GMDS: variants seen among roughly 807,000 people sequenced by gnomAD.
The protein encoded by GMDS is GDP-mannose 4,6 dehydratase.
GMDS carries 20 observed loss-of-function variants against 49.9 expected under a neutral mutation model. The observed-to-expected ratio is 0.40, with a 90% confidence interval of 0.28 to 0.58. The LOEUF is 0.58. GMDS is among the 20% of genes least tolerant of loss of function. GMDS has a pLI of 0.42. For missense variants in GMDS, 362 were observed against 481.4 expected (o/e 0.75, Z 2.32); for synonymous variants, 177 against 178.6 (o/e 0.99, Z 0.07).
At chr6:2,094,948 C>G (rs939331283) in intron 4 of GMDS, among the ~76,000 whole-genome samples, 1 of 152,074 alleles carries the variant, frequency 6.6e-6, no homozygotes, top group Non-Finnish European at 1.5e-5. Flanking sequence ...ACAACTATAC[C>G]AACACTGAAA....
At chr6:1,994,663 G>A (rs1279932801) in intron 4 of GMDS, among the ~76,000 whole-genome samples, 1 of 151,888 alleles carries the variant, frequency 6.6e-6, no homozygotes, top group Non-Finnish European at 1.5e-5. Flanking sequence ...GGTACGCAGA[G>A]AAAAAGGACT....
chr6:1,833,008 G>C lies in GMDS; in HGVS notation c.772-90422C>G, dbSNP rs117759468. 6.6e-6 allele frequency among the ~76,000 whole-genome samples: 1 copy of C among 152,180 alleles called. No homozygotes were observed. The highest frequency in any genetic ancestry group is 1.9e-4 in the East Asian group (1 of 5,176). ...GCTACTGAAGATCATTAGTAGCACT[G>C]AGTGCAACCACTGTCAGTTTTGTGG... On this transcript the variant is annotated intron_variant, in intron 7 of 10. Transcript: ENST00000380815. This position sits in a 1 kb window ranked among gnomAD's most constrained non-coding sequence, Gnocchi z 4.4.
At chr6:2,033,662 C>A (rs964021362) in intron 4 of GMDS, among the ~76,000 whole-genome samples, 1 of 152,208 alleles carries the variant, frequency 6.6e-6, no homozygotes, top group African/African-American at 2.4e-5. Flanking sequence ...CAGGTGTTCA[C>A]CGCCATTGCT....
chr6:1,681,514 G>A (rs1764791050), intron 9 of GMDS, among the ~76,000 whole-genome samples: 2 of 152,172 alleles, frequency 1.3e-5, no homozygotes, highest in Non-Finnish European at 2.9e-5. Context: ...TCCAGGTGAG[G>A]AGGACCAGGC....
Position 1,774,012 on chromosome 6 carries a change from GA to G in GMDS, c.772-31427del, listed in dbSNP as rs764467410. 1.7e-4 allele frequency among the ~76,000 whole-genome samples: 26 copies of G among 152,318 alleles called. No individual in the cohort carries two copies. In the East Asian group the frequency reaches 4.0e-3, roughly 24 times the overall value. On this transcript the variant is annotated intron_variant, in intron 7 of 10. Transcript: ENST00000380815. Reference sequence around the variant, plus strand: ...AAAGCACAGAAATGACAAACTATTTGAAGCCAAACATGACGTACAAAAATTA... The same window carrying G: ...AAAGCACAGAAATGACAAACTATTTGAGCCAAACATGACGTACAAAAATTA...
chr6:1,953,450 AT>A (rs1429358139), intron 6 of GMDS, among the ~76,000 whole-genome samples: 2 of 152,194 alleles, frequency 1.3e-5, no homozygotes, highest in African/African-American at 4.8e-5. Context: ...GGTAGAATGT[AT>A]TTTTTGTTCC....
intron 7 of GMDS, among the ~76,000 whole-genome samples, chr6:1,888,564 G>A (rs192901195): frequency 2.9e-4 from 44 of 152,232 alleles, no homozygotes; most frequent in Non-Finnish European, 2.6e-4. Flanking sequence ...ATTTGGGTGG[G>A]AACACAAAGC....
At chr6:1,703,875 C>T (rs1003898335) in intron 9 of GMDS, among the ~76,000 whole-genome samples, 1 of 152,256 alleles carries the variant, frequency 6.6e-6, no homozygotes, top group Non-Finnish European at 1.5e-5. Flanking sequence ...ATGTTTAAGA[C>T]TTAGAGTAAT....
rs541603908 is a variant in GMDS, at chr6:1,879,598, A to T, written c.771+50505T>A. 4.0e-5 allele frequency among the ~76,000 whole-genome samples: 6 copies of T among 149,442 alleles called. No individual in the cohort carries two copies. In the East Asian group the frequency reaches 7.8e-4, roughly 19 times the overall value. On this transcript the variant is annotated intron_variant, in intron 7 of 10. Coordinates refer to ENST00000380815, the MANE Select transcript of GMDS (RefSeq NM_001500.4). ...TGTTACCAAAGGTTTTTTTTTTTTTAAAGAATATTGAGATAGAGAGAAGTG... is the reference window on the plus strand; with the variant it reads ...TGTTACCAAAGGTTTTTTTTTTTTTTAAGAATATTGAGATAGAGAGAAGTG...
At position 2,162,659 on chromosome 6, in the gene GMDS, A is replaced by AACACACAC. The variant is rs67198377; in HGVS notation, c.103-37936_103-37929dup. On this transcript the variant is annotated intron_variant, in intron 1 of 10. Transcript: ENST00000380815. ...AAATATCAGGTTTTCATAACATTCCAACACACACACACACACACACACACA... is the reference window on the plus strand; with the variant it reads ...AAATATCAGGTTTTCATAACATTCCAACACACACACACACACACACACACACACACACA... Among the ~76,000 whole-genome samples, 1,041 of 135,804 alleles carry AACACACAC rather than the reference A, an allele frequency of 7.7e-3. 5 individuals carry two copies. The highest frequency in any genetic ancestry group is 0.012 in the Middle Eastern group (3 of 258). 89.1% of individuals were successfully genotyped at this position (135,804 alleles called of 152,430 possible).
intron 7 of GMDS, among the ~76,000 whole-genome samples, chr6:1,818,274 G>A (rs1299971501): frequency 1.3e-5 from 2 of 151,944 alleles, no homozygotes; most frequent in African/African-American, 2.4e-5. Context: ...ATCAAAACAC[G>A]TTTTTCTAAC....
intron 4 of GMDS, among the ~76,000 whole-genome samples, chr6:1,972,028 A>G (rs1481266617): frequency 6.6e-6 from 1 of 152,192 alleles, no homozygotes; most frequent in Non-Finnish European, 1.5e-5. Context: ...CTTGAGTTTG[A>G]GAATCTTCAT....
At chr6:1,696,047 C>T (rs986433177) in intron 9 of GMDS, among the ~76,000 whole-genome samples, 20 of 151,508 alleles carry the variant, frequency 1.3e-4, no homozygotes, top group Non-Finnish European at 1.5e-5. Context: ...AGTCAACTCA[C>T]ACATAGAGAA....
intron 1 of GMDS, among the ~76,000 whole-genome samples, chr6:2,138,926 G>T (rs946542170): frequency 1.3e-5 from 2 of 152,000 alleles, no homozygotes; most frequent in African/African-American, 4.8e-5. Flanking sequence ...CCACTGCTTT[G>T]ATCATACTAC....
intron 9 of GMDS, among the ~76,000 whole-genome samples, chr6:1,642,648 T>C (rs1763366760): frequency 1.3e-5 from 2 of 152,214 alleles, no homozygotes; most frequent in South Asian, 4.1e-4. Context: ...ATGGTGACCA[T>C]CGTCCTGAGT....
In GMDS at chr6:1,777,876, A is replaced by G. The variant is rs185564691; in HGVS notation, c.772-35290T>C. On this transcript the variant is annotated intron_variant, in intron 7 of 10. Transcript: ENST00000380815. ...TTAAACCTGTTAAAGAAGCAATATT[A>G]AGTTTGGTATAAATATAGCTGAAAT... Among the ~76,000 whole-genome samples, 15 of 152,332 alleles carry G rather than the reference A, an allele frequency of 9.8e-5. No homozygotes were observed. In the East Asian group the frequency reaches 2.7e-3, roughly 27 times the overall value.
intron 6 of GMDS, among the ~76,000 whole-genome samples, chr6:1,943,850 G>C (rs1321555502): frequency 6.6e-6 from 1 of 152,178 alleles, no homozygotes; most frequent in African/African-American, 2.4e-5. Context: ...GCAAATAGAG[G>C]AGGGATGTGA....
Position 2,000,074 on chromosome 6 carries a change from G to A in GMDS, c.346-39108C>T, listed in dbSNP as rs182282538. Reference sequence around the variant, plus strand: ...TTTTGAGATGGAGTCTCATTCTGTCGCCCAGGCTGGAGTGCAGTGGCATGA... The same window carrying A: ...TTTTGAGATGGAGTCTCATTCTGTCACCCAGGCTGGAGTGCAGTGGCATGA... On this transcript the variant is annotated intron_variant, in intron 4 of 10. Transcript: ENST00000380815. 7.6e-3 allele frequency among the ~76,000 whole-genome samples: 648 copies of A among 85,684 alleles called. 9 individuals are homozygous for A. The highest frequency in any genetic ancestry group is 0.028 in the African/African-American group (603 of 21,846). The allele number at this position is 85,684 out of a possible 152,430, so 56.2% of individuals were successfully genotyped here. A position where few individuals can be genotyped will look rare whatever the true frequency, so the allele number is the denominator to read the frequency against.
intron 1 of GMDS, among the ~76,000 whole-genome samples, chr6:2,159,899 T>C (rs756280389): frequency 1.3e-5 from 2 of 152,118 alleles, no homozygotes; most frequent in African/African-American, 2.4e-5. Context: ...TCTTCCAATA[T>C]ATTTATTGAA....
Sources: gnomAD v4.1 joint callset for allele counts (sites outside exome capture counted in the v4.1 genomes callset) on GRCh38, gnomAD v4.1.1 for gene constraint, Gnocchi (gnomAD v3.1) non-coding constraint, MANE v1.5 for transcripts, NCBI Gene and HGNC (gene_info 2026-07-23, HGNC 2026-07-21) for gene names.